ZNF233: variants seen among roughly 807,000 people sequenced by gnomAD.
The protein encoded by ZNF233 is zinc finger protein 233.
ZNF233 carries 7 observed loss-of-function variants against 11.6 expected under a neutral mutation model. The ratio of observed to expected loss-of-function variants is 0.60; its 90% CI spans 0.34 to 1.13. The LOEUF is 1.13. ZNF233 is among the 50% of genes most tolerant of loss of function. The pLI, the probability that ZNF233 is intolerant of heterozygous loss-of-function variation, is 0.03. For synonymous variants in ZNF233, 226 were observed against 268.5 expected (o/e 0.84, Z 1.55); for missense variants, 711 against 785.5 (o/e 0.91, Z 1.13).
At chr19:44,264,525 T>A (rs1206155543) in intron 2 of ZNF233, 150 bp downstream of exon 2, 1 of 693,504 alleles carries the variant, frequency 1.4e-6, no homozygotes, top group African/African-American at 1.9e-5. Context: ...GTTCAATTTT[T>A]TGTTTATGTC....
In ZNF233 at chr19:44,267,291, T is replaced by C. The variant is rs183775075; in HGVS notation, c.238+330T>C. On this transcript the variant is annotated intron_variant, in intron 4 of 4. Coordinates refer to ENST00000683810, the MANE Select transcript of ZNF233 (RefSeq NM_001207005.2). ...GAATTGATTTCCTATCCTTTGCTTT[T>C]CACTCAGTTCTTTCCAGCCACACAA... 1.7e-3 allele frequency: 684 copies of C among 403,984 alleles called. 1 individual carries two copies. Among genetic ancestry groups the C allele is most frequent in the Non-Finnish European group, 8.1e-4 (185 of 229,482 alleles). The allele number at this position is 403,984 out of a possible 1,614,324, so 25.0% of individuals were successfully genotyped here. A position where few individuals can be genotyped will look rare whatever the true frequency, so the allele number is the denominator to read the frequency against.
In ZNF233 at chr19:44,274,200, G is replaced by A; in HGVS notation, c.1540G>A (p.Gly514Arg). The A allele has an allele frequency of 6.2e-7, 1 of 1,613,756 alleles. No individual in the cohort carries two copies. Among genetic ancestry groups the A allele is most frequent in the Non-Finnish European group, 8.5e-7 (1 of 1,179,928 alleles). Residue 514 changes from glycine to arginine, a missense_variant, in exon 5 of 5, where the codon GGG becomes AGG. Transcript: ENST00000683810. Reference protein sequence around the residue: ...GEKPYKCDTCGKDFSQISHLQ... With the variant: ...GEKPYKCDTCRKDFSQISHLQ... ...GAAACCCTACAAATGTGACACATGT[G>A]GGAAGGACTTCAGTCAGATCTCTCA...
At position 44,259,933 on chromosome 19, in the gene ZNF233, TG is replaced by T. The variant is rs761730641; in HGVS notation, c.-50del. On this transcript the variant is annotated 5_prime_UTR_variant, in exon 1 of 5. Coordinates refer to ENST00000683810, the MANE Select transcript of ZNF233 (RefSeq NM_001207005.2). ...CGAAGCAGCCGTCATCTATCCCCTC[TG>T]GGAGGTGAGTCAGCGCGGAACCTCT... 2 of 455,804 alleles carry T rather than the reference TG, an allele frequency of 4.4e-6. No homozygotes were observed. The highest frequency in any genetic ancestry group is 8.8e-6 in the Non-Finnish European group (2 of 226,582). 28.2% of individuals were successfully genotyped at this position (455,804 alleles called of 1,614,324 possible).
chr19:44,263,578 C>T (rs1335891723), intron 1 of ZNF233, among the ~76,000 whole-genome samples: 1 of 152,186 alleles, frequency 6.6e-6, no homozygotes, highest in Non-Finnish European at 1.5e-5. Flanking sequence ...ACCATTGAGA[C>T]TCTCCTGGCT....
rs1186349071 is a variant in ZNF233, at chr19:44,272,950, T to A, written c.290T>A (p.Phe97Tyr). Reference sequence around the variant, plus strand: ...ACCCTTCAAGAAGTAAGATTAAGATTCCTTTCATATGAAGACCTTATATGC... The same window carrying A: ...ACCCTTCAAGAAGTAAGATTAAGATACCTTTCATATGAAGACCTTATATGC... Reference protein sequence around the residue: ...IDTLQEVRLRFLSYEDLICWQ... With the variant: ...IDTLQEVRLRYLSYEDLICWQ... Residue 97 changes from phenylalanine (F) to tyrosine (Y), a missense_variant, in exon 5 of 5, where the codon TTC becomes TAC. Coordinates refer to ENST00000683810, the MANE Select transcript of ZNF233 (RefSeq NM_001207005.2). The A allele has an allele frequency of 1.2e-6, 2 of 1,609,146 alleles. No individual in the cohort carries two copies. Among genetic ancestry groups the A allele is most frequent in the South Asian group, 2.2e-5 (2 of 90,254 alleles).
At chr19:44,266,793 A>G in intron 3 of ZNF233, 73 bp from the exon 4 acceptor site, 2 of 1,099,406 alleles carry the variant, frequency 1.8e-6, no homozygotes, top group Non-Finnish European at 1.3e-6. Flanking sequence ...AGCGCATGAA[A>G]ATGGTGGTGT....
chr19:44,267,132 A>G, intron 4 of ZNF233, 171 bp downstream of exon 4: 3 of 511,834 alleles, frequency 5.9e-6, no homozygotes, highest in Admixed American at 3.3e-5. Context: ...CATTCTCCAC[A>G]TAGCCAGATC....
chr19:44,266,252 T>A lies in ZNF233; in HGVS notation c.70T>A (p.Leu24Met). The A allele has an allele frequency of 6.2e-7, 1 of 1,612,700 alleles. No individual in the cohort carries two copies. The highest frequency in any genetic ancestry group is 8.5e-7 in the Non-Finnish European group (1 of 1,179,248). The change falls in exon 3 of 5, where the codon TTG (leucine) becomes ATG (methionine). Residue 24 changes from leucine (L) to methionine (M), a missense_variant. Transcript: ENST00000683810. The part of the protein sequence containing the change: ...AVVFTREELG[L>M]LDLAQRKLYQ... ...GGTCTTCACCAGGGAGGAGCTGGGG[T>A]TGCTGGACCTTGCCCAGAGAAAGCT...
At chr19:44,265,409 AC>A (rs1231332748) in intron 2 of ZNF233, among the ~76,000 whole-genome samples, 5 of 125,456 alleles carry the variant, frequency 4.0e-5, no homozygotes. Context: ...ACACACACAC[AC>A]CACGGTTTCT....
intron 2 of ZNF233, among the ~76,000 whole-genome samples, chr19:44,264,865 A>G (rs903211329): frequency 6.6e-6 from 1 of 152,178 alleles, no homozygotes; most frequent in African/African-American, 2.4e-5. Context: ...TTCAGAGGCT[A>G]CAAAACAAAC....
chr19:44,273,544 T>A lies in ZNF233; in HGVS notation c.884T>A (p.Ile295Lys). 6.2e-7 allele frequency: 1 copy of A among 1,614,190 alleles called. No individual in the cohort carries two copies. Among genetic ancestry groups the A allele is most frequent in the Non-Finnish European group, 8.5e-7 (1 of 1,180,040 alleles). Reference protein sequence around the residue: ...PHVNVEYGKGIGYSSGLPRHQ... With the variant: ...PHVNVEYGKGKGYSSGLPRHQ... The stretch of plus-strand genomic sequence containing the variant: ...GTAAATGTTGAGTACGGGAAGGGCA[T>A]AGGTTACAGCTCAGGGCTTCCCAGG... Residue 295 changes from isoleucine (I) to lysine (K), a missense_variant, in exon 5 of 5, where the codon ATA becomes AAA. Ile to Lys is a moderately radical substitution (Grantham distance 102). Coordinates refer to ENST00000683810, the MANE Select transcript of ZNF233 (RefSeq NM_001207005.2).
Position 44,266,317 on chromosome 19 carries a change from G to C in ZNF233, c.135G>C (p.Leu45=). 2 of 1,603,410 alleles carry C rather than the reference G, an allele frequency of 1.2e-6. No homozygotes were observed. The highest frequency in any genetic ancestry group is 1.3e-5 in the African/African-American group (1 of 74,812). The change falls in exon 3 of 5, where the codon CTG becomes CTC. Residue 45 remains leucine (L), a synonymous_variant. Transcript: ENST00000683810. ...TGCTGGAGAACTTCAGGAACCTGCT[G>C]TCAGTGGGTGAGCACAGGCACCTTC... The part of the protein sequence containing the change: ...DVMLENFRNL[L]SVGYQPFKLD...
chr19:44,261,919 T>C (rs554901899), intron 1 of ZNF233, among the ~76,000 whole-genome samples: 1 of 152,274 alleles, frequency 6.6e-6, no homozygotes, highest in South Asian at 2.1e-4. Flanking sequence ...CCTAAAGTGC[T>C]GGGATTACAG....
chr19:44,274,036 A>C lies in ZNF233; in HGVS notation c.1376A>C (p.Lys459Thr). 1.3e-6 allele frequency: 2 copies of C among 1,597,870 alleles called. No homozygotes were observed. The highest frequency in any genetic ancestry group is 3.3e-4 in the Middle Eastern group (2 of 6,018). ...EKPYKCEVCD[K>T]GFSKASNLQA... ...CCATATAAATGTGAGGTATGTGATA[A>C]GGGCTTCAGTAAGGCCTCAAATCTT... Residue 459 changes from lysine (K) to threonine (T), a missense_variant, in exon 5 of 5, where the codon AAG becomes ACG. By Grantham distance (78) the Lys-to-Thr change is moderately conservative. Transcript: ENST00000683810.
Position 44,272,975 on chromosome 19 carries a change from C to A in ZNF233, c.315C>A (p.Cys105Ter). 1 of 1,613,254 alleles carries A rather than the reference C, an allele frequency of 6.2e-7. No homozygotes were observed. Among genetic ancestry groups the A allele is most frequent in the South Asian group, 1.1e-5 (1 of 90,986 alleles). ...TCCTTTCATATGAAGACCTTATATG[C>A]TGGCAAATATGGGAACAATTTACAA... ...LRFLSYEDLI[C>*]WQIWEQFTSK... The change falls in exon 5 of 5, where the codon TGC becomes TGA. Residue 105 changes from cysteine to a stop codon, truncating the protein, a stop_gained. Transcript: ENST00000683810. LOFTEE classifies it low-confidence loss of function (END_TRUNC).
intron 1 of ZNF233, among the ~76,000 whole-genome samples, chr19:44,261,442 G>C (rs950096820): frequency 6.6e-6 from 1 of 151,798 alleles, no homozygotes; most frequent in Non-Finnish European, 1.5e-5. Context: ...AAATTAAAAA[G>C]AGGAAAAGAA....
At chr19:44,270,066 T>C (rs1041975590) in intron 4 of ZNF233, among the ~76,000 whole-genome samples, 3 of 152,166 alleles carry the variant, frequency 2.0e-5, no homozygotes, top group African/African-American at 4.8e-5. Flanking sequence ...TCACTTCTCA[T>C]TGAGAGAGTT....
chr19:44,262,752 T>C (rs1008607465), intron 1 of ZNF233, among the ~76,000 whole-genome samples: 1 of 152,176 alleles, frequency 6.6e-6, no homozygotes, highest in African/African-American at 2.4e-5. Context: ...GATACTGTTA[T>C]TGTCCTCACT....
At chr19:44,268,632 T>TG (rs1341140880) in intron 4 of ZNF233, among the ~76,000 whole-genome samples, 4 of 152,210 alleles carry the variant, frequency 2.6e-5, no homozygotes, top group African/African-American at 9.6e-5. Context: ...AATGGACTAA[T>TG]GGATAGGTGT....
Sources: allele counts gnomAD v4.1 joint callset (sites outside exome capture counted in the v4.1 genomes callset), GRCh38; gene constraint gnomAD v4.1.1; transcripts MANE v1.5; gene names NCBI Gene and HGNC (gene_info 2026-07-23, HGNC 2026-07-21).